NEGR1: variants seen among roughly 807,000 people sequenced by gnomAD.
NEGR1 encodes the protein IgLON family member 4.
In NEGR1, 10 loss-of-function variants were observed where a neutral mutation model predicts 40.9. The ratio of observed to expected loss-of-function variants is 0.24; its 90% CI spans 0.15 to 0.42. NEGR1 has a LOEUF of 0.42. Ranked by LOEUF, NEGR1 falls within the 10% of genes least tolerant of loss-of-function variation. NEGR1 has a pLI of 1.00. For missense variants in NEGR1, 352 were observed against 438.9 expected (o/e 0.80, Z 1.77); for synonymous variants, 185 against 166.8 (o/e 1.11, Z -0.84).
chr1:71,627,488 A>G (rs1273485613), intron 4 of NEGR1, among the ~76,000 whole-genome samples: 1 of 152,022 alleles, frequency 6.6e-6, no homozygotes, highest in Non-Finnish European at 1.5e-5. Flanking sequence ...GACTAATGCC[A>G]TTTTTTAGTC....
At chr1:71,412,868 T>A (rs1206945293) in intron 6 of NEGR1, among the ~76,000 whole-genome samples, 2 of 152,172 alleles carry the variant, frequency 1.3e-5, no homozygotes, top group Non-Finnish European at 2.9e-5. Flanking sequence ...ATATTTACCA[T>A]TTTATTGAAA....
At chr1:72,011,301 A>C (rs1646655174) in intron 1 of NEGR1, among the ~76,000 whole-genome samples, 1 of 152,118 alleles carries the variant, frequency 6.6e-6, no homozygotes, top group South Asian at 2.1e-4. Context: ...TGCAGTTGGT[A>C]TTAGAATAAT....
intron 2 of NEGR1, among the ~76,000 whole-genome samples, chr1:71,894,653 T>C (rs912227189): frequency 6.6e-6 from 1 of 152,214 alleles, no homozygotes; most frequent in African/African-American, 2.4e-5. Context: ...CAAATACAGG[T>C]TTAACTTGCT....
At chr1:71,933,979 G>C (rs1645879985) in intron 2 of NEGR1, among the ~76,000 whole-genome samples, 1 of 152,056 alleles carries the variant, frequency 6.6e-6, no homozygotes, top group African/African-American at 2.4e-5. Context: ...CTTAAGCTAT[G>C]CACCTAAGTT....
chr1:72,040,375 G>C (rs577604941), intron 1 of NEGR1, among the ~76,000 whole-genome samples: 1 of 151,756 alleles, frequency 6.6e-6, no homozygotes, highest in Non-Finnish European at 1.5e-5. Context: ...CCATTCTACA[G>C]TATTATTCCC....
At chr1:71,457,821 C>A (rs965220100) in intron 6 of NEGR1, among the ~76,000 whole-genome samples, 2 of 152,132 alleles carry the variant, frequency 1.3e-5, no homozygotes, top group African/African-American at 4.8e-5. Flanking sequence ...CCTGCCTCAG[C>A]CTCCTGAGTA....
intron 1 of NEGR1, among the ~76,000 whole-genome samples, chr1:71,963,266 G>A (rs1262111285): frequency 6.6e-6 from 1 of 151,966 alleles, no homozygotes; most frequent in East Asian, 1.9e-4. Flanking sequence ...TACAAGAGAA[G>A]ACCTAGTTGA....
At chr1:72,243,193 G>A (rs1025286144) in intron 1 of NEGR1, among the ~76,000 whole-genome samples, 5 of 151,446 alleles carry the variant, frequency 3.3e-5, no homozygotes, top group African/African-American at 9.7e-5. Context: ...ATAATTATTT[G>A]TACACCATGA....
At chr1:71,775,821 T>A (rs1266223260) in intron 3 of NEGR1, among the ~76,000 whole-genome samples, 2 of 151,672 alleles carry the variant, frequency 1.3e-5, no homozygotes, top group Non-Finnish European at 2.9e-5. Flanking sequence ...GTAAACCCCT[T>A]CTCTACTAAA....
intron 1 of NEGR1, among the ~76,000 whole-genome samples, chr1:72,061,625 A>G (rs1037078543): frequency 6.6e-6 from 1 of 151,856 alleles, no homozygotes; most frequent in Non-Finnish European, 1.5e-5. Context: ...ACTTTTATCC[A>G]CCAAACAACA....
intron 2 of NEGR1, among the ~76,000 whole-genome samples, chr1:71,875,740 C>T (rs531372760): frequency 1.3e-5 from 2 of 152,262 alleles, no homozygotes; most frequent in Non-Finnish European, 2.9e-5. Flanking sequence ...TGCTTAACTA[C>T]TTGAAACACT....
intron 1 of NEGR1, among the ~76,000 whole-genome samples, chr1:72,099,461 G>A (rs1285374554): frequency 6.6e-6 from 1 of 151,868 alleles, no homozygotes; most frequent in Non-Finnish European, 1.5e-5. Flanking sequence ...AATACACATG[G>A]TATTCTAGCA....
chr1:71,478,833 G>A (rs895777424), intron 6 of NEGR1, among the ~76,000 whole-genome samples: 1 of 151,916 alleles, frequency 6.6e-6, no homozygotes, highest in African/African-American at 2.4e-5. Context: ...TGGTGCCTGA[G>A]ATGAAGCTGA....
intron 1 of NEGR1, among the ~76,000 whole-genome samples, chr1:72,070,027 A>G (rs189550574): frequency 1.8e-3 from 274 of 152,256 alleles, no homozygotes; most frequent in Non-Finnish European, 3.1e-3. Flanking sequence ...TATTTATACC[A>G]TAATCTATAA....
At chr1:72,032,878 A>G (rs1030621462) in intron 1 of NEGR1, among the ~76,000 whole-genome samples, 1 of 152,130 alleles carries the variant, frequency 6.6e-6, no homozygotes, top group African/African-American at 2.4e-5. Flanking sequence ...GGGAATAATG[A>G]TAGAGCCTAT....
chr1:71,863,292 T>C (rs532123536), intron 2 of NEGR1, among the ~76,000 whole-genome samples: 1 of 152,310 alleles, frequency 6.6e-6, no homozygotes, highest in Admixed American at 6.5e-5. Context: ...GATCATGTCC[T>C]CTGCAGGGAC....
chr1:71,663,820 G>T (rs1442062593), intron 4 of NEGR1, among the ~76,000 whole-genome samples: 1 of 152,312 alleles, frequency 6.6e-6, no homozygotes, highest in East Asian at 1.9e-4. Flanking sequence ...GAAGGACTAG[G>T]TTTGTGAATT....
chr1:71,688,462 C>CT (rs748027559), intron 4 of NEGR1, among the ~76,000 whole-genome samples: 232 of 8,868 alleles, frequency 0.026, 3 homozygotes, highest in East Asian at 0.13. Context: ...ATGTATATAT[C>CT]TTTTTTTTTT....
chr1:71,551,054 C>A (rs985314352), intron 6 of NEGR1, among the ~76,000 whole-genome samples: 6 of 151,436 alleles, frequency 4.0e-5, no homozygotes, highest in Non-Finnish European at 8.9e-5. Context: ...AGAAGAATTT[C>A]TATGTATATT....
Sources: gnomAD v4.1 joint callset for allele counts (sites outside exome capture counted in the v4.1 genomes callset) on GRCh38, gnomAD v4.1.1 for gene constraint, MANE v1.5 for transcripts, NCBI Gene and HGNC (gene_info 2026-07-23, HGNC 2026-07-21) for gene names.